NKAIN3: variants seen among roughly 807,000 people sequenced by gnomAD.
NKAIN3 encodes sodium/potassium-transporting ATPase subunit beta-1-interacting protein 3.
Under a neutral mutation model 30.2 loss-of-function variants are expected in NKAIN3, and 25 were observed. That is an observed-to-expected ratio of 0.83 (90% CI 0.60 to 1.16). The LOEUF (loss-of-function observed/expected upper bound fraction) is 1.16. NKAIN3 is among the 50% of genes most tolerant of loss of function. The pLI is 0.00. For synonymous variants in NKAIN3, 91 were observed against 89.6 expected, an observed-to-expected ratio of 1.02 and a Z score of -0.09; for missense variants, 225 against 254.1, an observed-to-expected ratio of 0.89 and a Z score of 0.78.
intron 3 of NKAIN3, among the ~76,000 whole-genome samples, chr8:62,742,542 C>G (rs1202456283): frequency 3.9e-5 from 6 of 152,156 alleles, no homozygotes; most frequent in African/African-American, 1.4e-4. Context: ...TTCTGCTACC[C>G]TGGACATATG....
chr8:62,472,179 G>A (rs1019916392), intron 1 of NKAIN3, among the ~76,000 whole-genome samples: 3 of 152,106 alleles, frequency 2.0e-5, no homozygotes, highest in African/African-American at 4.8e-5. Context: ...AGCTGAACTC[G>A]GTTACAGATT....
intron 4 of NKAIN3, among the ~76,000 whole-genome samples, chr8:62,757,545 A>G (rs531031931): frequency 1.3e-5 from 2 of 152,282 alleles, no homozygotes; most frequent in South Asian, 2.1e-4. Context: ...TCAAAGTGCC[A>G]TAACTTAGGA....
At chr8:62,391,627 A>C (rs540526778) in intron 1 of NKAIN3, among the ~76,000 whole-genome samples, 8 of 152,124 alleles carry the variant, frequency 5.3e-5, no homozygotes, top group Non-Finnish European at 1.2e-4. Flanking sequence ...AATGAAAAGC[A>C]TATGTAATAT....
At chr8:62,552,270 C>A (rs1563453666) in intron 1 of NKAIN3, among the ~76,000 whole-genome samples, 1 of 152,184 alleles carries the variant, frequency 6.6e-6, no homozygotes, top group African/African-American at 2.4e-5. Context: ...TAGTACTCTG[C>A]TTCCAGATCG....
chr8:62,779,871 G>A (rs1196168637), intron 4 of NKAIN3, among the ~76,000 whole-genome samples: 4 of 151,516 alleles, frequency 2.6e-5, no homozygotes, highest in Admixed American at 6.6e-5. Flanking sequence ...AAATTCAAAC[G>A]ACCAAATAAT....
At chr8:62,774,956 C>T (rs1817142100) in intron 4 of NKAIN3, among the ~76,000 whole-genome samples, 1 of 152,026 alleles carries the variant, frequency 6.6e-6, no homozygotes, top group African/African-American at 2.4e-5. Flanking sequence ...CTGTATTGTT[C>T]AGAATAGTTT....
chr8:62,990,368 G>A, intron 5 of NKAIN3: 1 of 1,250,916 alleles, frequency 8.0e-7, no homozygotes, highest in Non-Finnish European at 1.0e-6. Flanking sequence ...TTCTAGTGCA[G>A]TCTAATATAT....
intron 3 of NKAIN3, among the ~76,000 whole-genome samples, chr8:62,667,345 CTTT>C (rs1813146528): frequency 1.4e-4 from 11 of 80,230 alleles, no homozygotes; most frequent in East Asian, 5.4e-4. Context: ...TATATATATT[CTTT>C]ATATATATAT....
At chr8:62,708,134 A>G (rs1410387081) in intron 3 of NKAIN3, among the ~76,000 whole-genome samples, 1 of 152,098 alleles carries the variant, frequency 6.6e-6, no homozygotes, top group Non-Finnish European at 1.5e-5. Flanking sequence ...ATGGCCTTAC[A>G]GTATAGTTTG....
At chr8:62,988,187 G>A (rs1458473576), downstream of NKAIN3, among the ~76,000 whole-genome samples, 1 of 152,208 alleles carries the variant, frequency 6.6e-6, no homozygotes, top group Non-Finnish European at 1.5e-5. Flanking sequence ...CTCCTTCCCA[G>A]CTGCTTTCAT....
chr8:62,727,362 A>G (rs2130533142), intron 3 of NKAIN3, among the ~76,000 whole-genome samples: 1 of 152,260 alleles, frequency 6.6e-6, no homozygotes, highest in East Asian at 1.9e-4. Context: ...CAGTAAGACA[A>G]CAAAAGGAAA....
intron 4 of NKAIN3, among the ~76,000 whole-genome samples, chr8:62,804,129 C>T (rs1278093281): frequency 6.6e-6 from 1 of 152,112 alleles, no homozygotes; most frequent in Non-Finnish European, 1.5e-5. Flanking sequence ...CAATAGCTTA[C>T]CAACCAAAAA....
intron 6 of NKAIN3, among the ~76,000 whole-genome samples, chr8:62,958,434 T>C (rs573306904): frequency 7.4e-6 from 1 of 135,904 alleles, no homozygotes; most frequent in Admixed American, 7.3e-5. Context: ...CCATGGAGTC[T>C]CCACCGGGAT....
intron 4 of NKAIN3, among the ~76,000 whole-genome samples, chr8:62,912,496 T>C (rs971142053): frequency 2.6e-5 from 4 of 152,210 alleles, no homozygotes; most frequent in Non-Finnish European, 4.4e-5. Flanking sequence ...AAAATATCAC[T>C]TAGCTTGTAA....
intron 1 of NKAIN3, among the ~76,000 whole-genome samples, chr8:62,577,465 T>TC (rs1810147375): frequency 2.0e-5 from 2 of 102,438 alleles, no homozygotes; most frequent in Non-Finnish European, 4.7e-5. Flanking sequence ...GTTTTTTTGT[T>TC]GTTTTTTTTT....
At chr8:62,475,963 A>G (rs1277460210) in intron 1 of NKAIN3, among the ~76,000 whole-genome samples, 1 of 152,198 alleles carries the variant, frequency 6.6e-6, no homozygotes, top group Non-Finnish European at 1.5e-5. Context: ...ACTTCTGTGA[A>G]ATAACACAAT....
intron 4 of NKAIN3, among the ~76,000 whole-genome samples, chr8:62,850,527 G>T (rs930802187): frequency 6.6e-6 from 1 of 152,088 alleles, no homozygotes; most frequent in South Asian, 2.1e-4. Flanking sequence ...TGAAGTCCTT[G>T]CCCATGCCTA....
chr8:62,645,532 T>A lies in NKAIN3; in HGVS notation c.273+55738T>A, dbSNP rs187812060. Reference sequence around the variant, plus strand: ...AATCAAGAAGTAAAAAGGCTGCCTGTACAACAACCACAAACTACAACTTTT... The same window carrying A: ...AATCAAGAAGTAAAAAGGCTGCCTGAACAACAACCACAAACTACAACTTTT... On this transcript the variant is annotated intron_variant, in intron 3 of 6. Coordinates refer to ENST00000623646, the MANE Select transcript of NKAIN3 (RefSeq NM_001304533.3). Among the ~76,000 whole-genome samples the A allele has an allele frequency of 1.6e-4, 25 of 152,304 alleles. 1 individual carries two copies. Among genetic ancestry groups the A allele is most frequent in the Middle Eastern group, 3.4e-3 (1 of 294 alleles).
chr8:62,611,184 A>T (rs369665259), intron 3 of NKAIN3, among the ~76,000 whole-genome samples: 1 of 152,126 alleles, frequency 6.6e-6, no homozygotes, highest in Non-Finnish European at 1.5e-5. Flanking sequence ...AAAAAATGTT[A>T]TGGGTATATA....
Sources: allele counts gnomAD v4.1 joint callset (sites outside exome capture counted in the v4.1 genomes callset), GRCh38; gene constraint gnomAD v4.1.1; transcripts MANE v1.5; gene names NCBI Gene and HGNC (gene_info 2026-07-23, HGNC 2026-07-21).